The following MCF2L2 variants were observed in gnomAD, a reference collection of about 807,000 sequenced individuals.
MCF2L2 encodes the protein probable guanine nucleotide exchange factor MCF2L2.
In MCF2L2, 102 loss-of-function variants were observed where a neutral mutation model predicts 150.2. That is an observed-to-expected ratio of 0.68 (90% confidence interval 0.58 to 0.80). The LOEUF (loss-of-function observed/expected upper bound fraction) is 0.80. Among genes scored for constraint, MCF2L2 ranks in the 30% least tolerant of loss-of-function variants. The pLI, the probability that MCF2L2 is intolerant of heterozygous loss-of-function variation, is 0.00. For missense variants in MCF2L2, 1,256 were observed against 1,372.8 expected, an observed-to-expected ratio of 0.91 and a Z score of 1.34; for synonymous variants, 465 against 491.3, an observed-to-expected ratio of 0.95 and a Z score of 0.71.
chr3:183,417,665 CTT>C (rs1386514982), intron 1 of MCF2L2, among the ~76,000 whole-genome samples: 1 of 152,110 alleles, frequency 6.6e-6, no homozygotes, highest in Non-Finnish European at 1.5e-5. Context: ...CCAGGAATGT[CTT>C]TATTTTGCTT....
In MCF2L2 at chr3:183,283,670, C is replaced by G. The variant is rs115332053; in HGVS notation, c.1776+5450G>C. On this transcript the variant is annotated intron_variant, in intron 14 of 29. Transcript: ENST00000328913. The surrounding 1 kb of genome is among the most constrained non-coding windows in gnomAD (Gnocchi z 4.2). ...CTGAGTAGCTGGGATTACAGGTGCC[C>G]GCCACCATGCCCAGCTAATTTTTGT... is the stretch of plus-strand genomic sequence containing the variant. Among the ~76,000 whole-genome samples, 3,017 of 151,928 alleles carry G rather than the reference C, an allele frequency of 0.02. 60 individuals carry two copies. Among genetic ancestry groups the G allele is most frequent in the East Asian group, 0.052 (270 of 5,158 alleles).
intron 14 of MCF2L2, among the ~76,000 whole-genome samples, chr3:183,281,202 G>A (rs995421207): frequency 6.6e-6 from 1 of 152,230 alleles, no homozygotes; most frequent in South Asian, 2.1e-4. Context: ...GGGGAGAAGG[G>A]TGAGAAGAAG....
intron 1 of MCF2L2, among the ~76,000 whole-genome samples, chr3:183,406,355 T>C (rs1183795992): frequency 2.0e-5 from 3 of 152,274 alleles, no homozygotes; most frequent in Non-Finnish European, 2.9e-5. Flanking sequence ...GTATATCTTA[T>C]ATCTTCCTTG....
At chr3:183,304,123 T>G (rs1309239870) in intron 10 of MCF2L2, among the ~76,000 whole-genome samples, 1 of 152,188 alleles carries the variant, frequency 6.6e-6, no homozygotes, top group African/African-American at 2.4e-5. Flanking sequence ...CTTCACCTTC[T>G]CCAGAAAACT....
In MCF2L2 at chr3:183,283,669, C is replaced by T. The variant is rs929294406; in HGVS notation, c.1776+5451G>A. 2.6e-5 allele frequency among the ~76,000 whole-genome samples: 4 copies of T among 151,928 alleles called. No homozygotes were observed. Among genetic ancestry groups the T allele is most frequent in the African/African-American group, 9.7e-5 (4 of 41,362 alleles). On this transcript the variant is annotated intron_variant, in intron 14 of 29. Coordinates refer to ENST00000328913, the MANE Select transcript of MCF2L2 (RefSeq NM_015078.4). The surrounding 1 kb of genome is among the most constrained non-coding windows in gnomAD (Gnocchi z 4.2). ...CCTGAGTAGCTGGGATTACAGGTGC[C>T]CGCCACCATGCCCAGCTAATTTTTG...
chr3:183,364,954 C>G (rs1037147752), intron 3 of MCF2L2, among the ~76,000 whole-genome samples: 2 of 152,028 alleles, frequency 1.3e-5, no homozygotes, highest in Admixed American at 6.5e-5. Context: ...CTCAATGCCA[C>G]AAAATTGTTT....
At chr3:183,264,921 T>C (rs1216424523) in intron 15 of MCF2L2, among the ~76,000 whole-genome samples, 1 of 152,238 alleles carries the variant, frequency 6.6e-6, no homozygotes, top group Admixed American at 6.5e-5. Flanking sequence ...CCTACTTCTA[T>C]TCTTTATTCT....
At chr3:183,312,011 A>G (rs2108510354) in intron 7 of MCF2L2, among the ~76,000 whole-genome samples, 1 of 152,302 alleles carries the variant, frequency 6.6e-6, no homozygotes, top group East Asian at 1.9e-4. Context: ...CCTCTTCAAA[A>G]TCAACATCTG....
intron 26 of MCF2L2, among the ~76,000 whole-genome samples, chr3:183,194,951 G>GT (rs1722030886): frequency 6.6e-6 from 1 of 151,764 alleles, no homozygotes; most frequent in African/African-American, 2.4e-5. Context: ...GCTAATTTTT[G>GT]TATTTTTTTT....
intron 3 of MCF2L2, among the ~76,000 whole-genome samples, chr3:183,369,191 G>A (rs1267644278): frequency 1.3e-5 from 2 of 152,154 alleles, no homozygotes; most frequent in African/African-American, 2.4e-5. Flanking sequence ...AGGCCATGAT[G>A]GAATGAGCAG....
At chr3:183,272,370 G>T (rs1476844304) in intron 15 of MCF2L2, 10 of 1,000,112 alleles carry the variant, frequency 1.0e-5, no homozygotes, top group Non-Finnish European at 1.2e-5. Flanking sequence ...TGACTGCAGA[G>T]GCACCTGTTA....
chr3:183,355,761 C>T (rs549731166), intron 3 of MCF2L2, among the ~76,000 whole-genome samples: 69 of 152,002 alleles, frequency 4.5e-4, no homozygotes, highest in African/African-American at 1.5e-3. Flanking sequence ...CCACCGCACC[C>T]GGCCATCAAC....
chr3:183,246,782 G>A (rs780990245), intron 15 of MCF2L2, among the ~76,000 whole-genome samples: 1 of 152,018 alleles, frequency 6.6e-6, no homozygotes, highest in African/African-American at 2.4e-5. Flanking sequence ...TACAGCAGCC[G>A]CATCTTTTAT....
chr3:183,341,729 A>G (rs1164196882), intron 3 of MCF2L2, 99 bp from the exon 4 acceptor site: 3 of 800,108 alleles, frequency 3.7e-6, no homozygotes, highest in Non-Finnish European at 4.4e-6. Context: ...ACAGCACTCC[A>G]GGCTCACCGT....
At chr3:183,368,132 G>A (rs190688834) in intron 3 of MCF2L2, among the ~76,000 whole-genome samples, 7 of 152,308 alleles carry the variant, frequency 4.6e-5, no homozygotes, top group Middle Eastern at 3.4e-3. Flanking sequence ...CAAAAAGTGT[G>A]TTCCCCAGAC....
At chr3:183,361,022 A>C (rs1451945190) in intron 3 of MCF2L2, among the ~76,000 whole-genome samples, 2 of 131,108 alleles carry the variant, frequency 1.5e-5, no homozygotes, top group Non-Finnish European at 3.2e-5. Context: ...AGAAAAGAAA[A>C]GAGAAAAGAA....
intron 22 of MCF2L2, among the ~76,000 whole-genome samples, chr3:183,211,695 CA>C (rs1722729600): frequency 6.6e-6 from 1 of 152,238 alleles, no homozygotes; most frequent in Non-Finnish European, 1.5e-5. Context: ...CCACGTTGCA[CA>C]ACCTCTTTCA....
At chr3:183,348,420 A>G (rs7631283) in intron 3 of MCF2L2, among the ~76,000 whole-genome samples, 32,698 of 89,024 alleles carry the variant, frequency 0.37, 5,808 homozygotes, top group African/African-American at 0.6. Context: ...GGGGTCGGGT[A>G]GGGGGGGCGA....
chr3:183,364,292 G>A (rs1254601414), intron 3 of MCF2L2, among the ~76,000 whole-genome samples: 7 of 151,996 alleles, frequency 4.6e-5, no homozygotes, highest in South Asian at 2.1e-4. Flanking sequence ...CGAGGCGGGC[G>A]GATCACAAGG....
Sources: gnomAD v4.1 joint callset for allele counts (sites outside exome capture counted in the v4.1 genomes callset) on GRCh38, gnomAD v4.1.1 for gene constraint, Gnocchi (gnomAD v3.1) non-coding constraint, MANE v1.5 for transcripts, NCBI Gene and HGNC (gene_info 2026-07-23, HGNC 2026-07-21) for gene names.